Variants in FCRL3 observed in about 807,000 individuals in gnomAD.
FCRL3 encodes Fc receptor like 3.
In FCRL3, 89 loss-of-function variants were observed where a neutral mutation model predicts 75.0. The observed-to-expected ratio is 1.19, with a 90% CI of 1.00 to 1.42. The LOEUF (loss-of-function observed/expected upper bound fraction) is 1.42, where lower values mean the gene tolerates loss of function less well. Ranked by LOEUF, FCRL3 falls within the 40% of genes most tolerant of loss-of-function variation. FCRL3 has a pLI of 0.00. For synonymous variants in FCRL3, 376 were observed against 348.5 expected, an observed-to-expected ratio of 1.08 and a Z score of -0.88; for missense variants, 946 against 880.0, an observed-to-expected ratio of 1.07 and a Z score of -0.95.
intron 10 of FCRL3, among the ~76,000 whole-genome samples, chr1:157,688,364 G>T (rs990289787): frequency 1.3e-5 from 2 of 151,992 alleles, no homozygotes; most frequent in African/African-American, 4.8e-5. Context: ...GGATAAAGTG[G>T]ATAATTCATC....
chr1:157,695,150 G>C (rs909705311), intron 8 of FCRL3, among the ~76,000 whole-genome samples, 179 bp downstream of exon 8: 1 of 152,180 alleles, frequency 6.6e-6, no homozygotes, highest in Non-Finnish European at 1.5e-5. Context: ...TTAAAAAAAG[G>C]AATGGTCTAA....
At chr1:157,700,891 C>T, upstream of FCRL3, 1 of 326,456 alleles carries the variant, frequency 3.1e-6, no homozygotes, top group Non-Finnish European at 4.8e-6. Context: ...GTTCTGCATG[C>T]AGCTCCTAAT....
Position 157,676,805 on chromosome 1 carries a change from T to TC in FCRL3, c.*1904dup. ...ATAAACAATGATAAGAGATGACAGG[T>TC]CCCTTAGAGAAAGTTCACTATAAGG... On this transcript the variant is annotated 3_prime_UTR_variant, in exon 15 of 15. Transcript: ENST00000368184. The TC allele has an allele frequency of 6.5e-7, 1 of 1,549,422 alleles. No homozygotes were observed. The highest frequency in any genetic ancestry group is 8.7e-7 in the Non-Finnish European group (1 of 1,146,490).
intron 10 of FCRL3, among the ~76,000 whole-genome samples, chr1:157,685,367 C>T: frequency 6.6e-6 from 1 of 152,002 alleles, no homozygotes; most frequent in East Asian, 1.9e-4. Flanking sequence ...ATTATTGCTT[C>T]CAACAAGAAA....
upstream of FCRL3, chr1:157,700,798 T>C (rs1195385092): frequency 8.8e-7 from 1 of 1,138,310 alleles, no homozygotes; most frequent in Non-Finnish European, 1.1e-6. Flanking sequence ...TATCAAGTTG[T>C]GTATTTGCTA....
intron 11 of FCRL3, among the ~76,000 whole-genome samples, chr1:157,682,866 T>C (rs954999437): frequency 6.6e-6 from 1 of 152,200 alleles, no homozygotes; most frequent in African/African-American, 2.4e-5. Context: ...CATTCAATAA[T>C]AATTTCCCAA....
chr1:157,684,706 T>A (rs1299755028), intron 10 of FCRL3, among the ~76,000 whole-genome samples: 2 of 152,170 alleles, frequency 1.3e-5, no homozygotes. Context: ...AACCACTTCA[T>A]AGATGAAGAA....
intron 10 of FCRL3, among the ~76,000 whole-genome samples, chr1:157,686,263 T>TA (rs34123636): frequency 5.7e-4 from 86 of 149,646 alleles, no homozygotes; most frequent in African/African-American, 1.5e-3. Context: ...TGCGAGAAAT[T>TA]AAAAAAAAAA....
In FCRL3 at chr1:157,677,999, C is replaced by A. The variant is rs11264794; in HGVS notation, c.*711G>T. ...CTGACTAGAAATCTATCATGTATGG[C>A]AAATGATGAGACTATGTCATGAAGC... On this transcript the variant is annotated 3_prime_UTR_variant, in exon 15 of 15. Transcript: ENST00000368184. 553,686 of 984,300 alleles carry A rather than the reference C, an allele frequency of 0.56. 159,197 individuals carry two copies. The highest frequency in any genetic ancestry group is 0.89 in the African/African-American group (50,813 of 57,284). The allele number at this position is 984,300 out of a possible 1,614,324, so 61.0% of individuals were successfully genotyped here. A position where few individuals can be genotyped will look rare whatever the true frequency, so the allele number is the denominator to read the frequency against.
intron 8 of FCRL3, among the ~76,000 whole-genome samples, chr1:157,693,883 G>T (rs144508630): frequency 1.3e-5 from 2 of 152,066 alleles, no homozygotes; most frequent in Admixed American, 1.3e-4. Context: ...AAGTATCTGA[G>T]AGTACAGGCG....
chr1:157,694,592 C>T (rs753188329), intron 8 of FCRL3, among the ~76,000 whole-genome samples: 1 of 152,134 alleles, frequency 6.6e-6, no homozygotes, highest in Non-Finnish European at 1.5e-5. Context: ...AAATGCTGAG[C>T]CCTTTGGGAT....
In FCRL3 at chr1:157,700,526, T is replaced by C; in HGVS notation, c.-37A>G. ...GGGCAGAGGGTTGGGAAAGTCTGTC[T>C]CACCAAAAGCCCGACTTATCTCCAA... is the stretch of plus-strand genomic sequence containing the variant. On this transcript the variant is annotated 5_prime_UTR_variant, in exon 2 of 15. Transcript: ENST00000368184. The C allele has an allele frequency of 6.2e-7, 1 of 1,613,850 alleles. No individual in the cohort carries two copies. Among genetic ancestry groups the C allele is most frequent in the Non-Finnish European group, 8.5e-7 (1 of 1,179,914 alleles).
chr1:157,699,584 C>A (rs1656180775), intron 3 of FCRL3, 108 bp downstream of exon 3: 7 of 1,154,518 alleles, frequency 6.1e-6, no homozygotes, highest in Non-Finnish European at 7.7e-6. Context: ...GACCCCAGAG[C>A]ATTAGCATTG....
intron 11 of FCRL3, among the ~76,000 whole-genome samples, chr1:157,681,874 T>C (rs2101589666): frequency 6.6e-6 from 1 of 152,218 alleles, no homozygotes; most frequent in East Asian, 1.9e-4. Context: ...GTAAAAGTGT[T>C]CCTATTTCTC....
At chr1:157,689,514 T>C (rs1482212086) in intron 10 of FCRL3, among the ~76,000 whole-genome samples, 1 of 152,184 alleles carries the variant, frequency 6.6e-6, no homozygotes, top group Non-Finnish European at 1.5e-5. Context: ...TGAAGGACTT[T>C]CTTAGGGAGA....
At chr1:157,683,376 C>G (rs1654971083) in intron 10 of FCRL3, 132 bp from the exon 11 acceptor site, 4 of 1,067,054 alleles carry the variant, frequency 3.7e-6, no homozygotes, top group Non-Finnish European at 5.4e-6. Context: ...GATTATCCAG[C>G]TCCACCCTCC....
At chr1:157,695,300 G>A in intron 8 of FCRL3, 29 bp downstream of exon 8, 1 of 1,596,620 alleles carries the variant, frequency 6.3e-7, no homozygotes, top group South Asian at 1.1e-5. Context: ...TGTATTGGCT[G>A]TTAACTGCTG....
intron 13 of FCRL3, among the ~76,000 whole-genome samples, chr1:157,679,693 G>A (rs901290452): frequency 2.0e-5 from 3 of 151,716 alleles, no homozygotes; most frequent in Admixed American, 6.6e-5. Context: ...GCTGGGCATG[G>A]TGATGCATGC....
At chr1:157,688,267 A>G (rs1371308565) in intron 10 of FCRL3, among the ~76,000 whole-genome samples, 1 of 152,140 alleles carries the variant, frequency 6.6e-6, no homozygotes, top group Non-Finnish European at 1.5e-5. Flanking sequence ...TCACATGCTA[A>G]CACTAATTAT....
Sources: gnomAD v4.1 joint callset for allele counts (sites outside exome capture counted in the v4.1 genomes callset) on GRCh38, gnomAD v4.1.1 for gene constraint, MANE v1.5 for transcripts, NCBI Gene and HGNC (gene_info 2026-07-23, HGNC 2026-07-21) for gene names.